The following CYP11A1 variants were observed in gnomAD, a reference collection of about 807,000 sequenced individuals.
CYP11A1 encodes the protein cholesterol side-chain cleavage enzyme, mitochondrial.
Under a neutral mutation model 51.9 loss-of-function variants are expected in CYP11A1, and 25 were observed. The observed-to-expected ratio is 0.48, with a 90% CI of 0.35 to 0.67. CYP11A1 has a LOEUF of 0.67. Among genes scored for constraint, CYP11A1 ranks in the 30% least tolerant of loss-of-function variants. The pLI is 0.00. For missense variants in CYP11A1, 578 were observed against 680.9 expected, an observed-to-expected ratio of 0.85 and a Z score of 1.68; for synonymous variants, 245 against 262.1, an observed-to-expected ratio of 0.93 and a Z score of 0.63.
At position 74,339,399 on chromosome 15, in the gene CYP11A1, GC is replaced by G. The variant is rs766208059; in HGVS notation, c.1158-85del. 476 of 1,476,462 alleles carry G rather than the reference GC, an allele frequency of 3.2e-4. 3 individuals carry two copies. The South Asian group carries it at 5.2e-3, about 16-fold the overall frequency. 91.5% of individuals were successfully genotyped at this position (1,476,462 alleles called of 1,614,324 possible). On this transcript the variant is annotated intron_variant, in intron 6 of 8. Coordinates refer to ENST00000268053, the MANE Select transcript of CYP11A1 (RefSeq NM_000781.3). ...GCCCCACACCCTGTGTGGCATCTCA[GC>G]CCTAGCTGCAGCAGCCTGGGGGGAC... is the stretch of plus-strand genomic sequence containing the variant.
At chr15:74,341,094 G>C (rs750751386) in intron 5 of CYP11A1, among the ~76,000 whole-genome samples, 3 of 152,132 alleles carry the variant, frequency 2.0e-5, no homozygotes, top group African/African-American at 4.8e-5. Flanking sequence ...GTGTGACCTC[G>C]ACCAAGTTAT....
chr15:74,358,440 C>T (rs966204912), intron 1 of CYP11A1, among the ~76,000 whole-genome samples: 3 of 152,220 alleles, frequency 2.0e-5, no homozygotes, highest in Non-Finnish European at 4.4e-5. Flanking sequence ...AGGTTACAAG[C>T]CACTAGCCCA....
Position 74,339,703 on chromosome 15 carries a change from C to A in CYP11A1, c.1041G>T (p.Lys347Asn). The change falls in exon 6 of 9, where the codon AAG (lysine) becomes AAT (asparagine). Residue 347 changes from lysine to asparagine, a missense_variant. Transcript: ENST00000268053. ...CCTCTGCCCGCAGCATATCCTGCACCTTCAGGTTGCGTGCCATCTCATACA... is the reference window on the plus strand; with the variant it reads ...CCTCTGCCCGCAGCATATCCTGCACATTCAGGTTGCGTGCCATCTCATACA... Reference protein sequence around the residue: ...WHLYEMARNLKVQDMLRAEVL... With the variant: ...WHLYEMARNLNVQDMLRAEVL... The A allele has an allele frequency of 6.2e-7, 1 of 1,614,170 alleles. No individual in the cohort carries two copies. Among genetic ancestry groups the A allele is most frequent in the Non-Finnish European group, 8.5e-7 (1 of 1,180,038 alleles).
chr15:74,343,841 C>T lies in CYP11A1; in HGVS notation c.777G>A (p.Arg259=). 1.2e-6 allele frequency: 2 copies of T among 1,613,638 alleles called. No homozygotes were observed. The highest frequency in any genetic ancestry group is 1.7e-6 in the Non-Finnish European group (2 of 1,180,038). Residue 259 remains arginine, a synonymous_variant, in exon 4 of 9, where the codon AGG becomes AGA. Transcript: ENST00000268053. ...CCACATGGTCCTTCCAGGTCTTGGT[C>T]CTGAACAGACGGAACAGGTCTGGGG... ...NLPPDLFRLF[R]TKTWKDHVAA...
In CYP11A1 at chr15:74,347,899, C is replaced by T. The variant is rs886041759; in HGVS notation, c.425+1G>A. On this transcript the variant is annotated splice_donor_variant, in intron 2 of 8. Coordinates refer to ENST00000268053, the MANE Select transcript of CYP11A1 (RefSeq NM_000781.3). LOFTEE classifies it high-confidence loss of function. ...TCCCTGGGAGATGGCCCAGGACTCA[C>T]TTCAACAGGACTCCTATGGGTCTCT... is the stretch of plus-strand genomic sequence containing the variant. The T allele has an allele frequency of 1.2e-6, 2 of 1,614,158 alleles. No homozygotes were observed. Among genetic ancestry groups the T allele is most frequent in the Non-Finnish European group, 1.7e-6 (2 of 1,179,992 alleles).
In CYP11A1 at chr15:74,366,450, A is replaced by AT. The variant is rs1335237984; in HGVS notation, c.269+866dup. The stretch of plus-strand genomic sequence containing the variant: ...AGACCCCCGCCACCATGCCCGGCTA[A>AT]TTTTTTTTATTTTATTTATTTATTT... On this transcript the variant is annotated intron_variant, in intron 1 of 8. Coordinates refer to ENST00000268053, the MANE Select transcript of CYP11A1 (RefSeq NM_000781.3). 2.0e-5 allele frequency among the ~76,000 whole-genome samples: 2 copies of AT among 98,976 alleles called. 1 individual carries two copies. Among genetic ancestry groups the AT allele is most frequent in the South Asian group, 8.6e-4 (2 of 2,336 alleles). The allele number at this position is 98,976 out of a possible 152,430, so 64.9% of individuals were successfully genotyped here.
intron 1 of CYP11A1, among the ~76,000 whole-genome samples, chr15:74,352,711 G>T (rs549882107): frequency 2.0e-4 from 31 of 152,266 alleles, no homozygotes; most frequent in African/African-American, 7.5e-4. Flanking sequence ...GTAAACATCT[G>T]TCTCCCACCT....
chr15:74,344,329 T>C (rs2060622407), intron 3 of CYP11A1, among the ~76,000 whole-genome samples: 1 of 152,122 alleles, frequency 6.6e-6, no homozygotes, highest in Admixed American at 6.5e-5. Context: ...TCATCTGTAA[T>C]TGGCTGAATT....
chr15:74,360,728 C>T (rs1222578449), intron 1 of CYP11A1, among the ~76,000 whole-genome samples: 1 of 151,862 alleles, frequency 6.6e-6, no homozygotes, highest in East Asian at 1.9e-4. Flanking sequence ...CATGGTGAAA[C>T]CCCCATCTCT....
chr15:74,364,553 AC>A (rs1200337038), intron 1 of CYP11A1: 4 of 152,210 alleles, frequency 2.6e-5, no homozygotes, highest in African/African-American at 7.2e-5. Context: ...TTGAGCCCCT[AC>A]GCTCCGCCTG....
chr15:74,357,039 G>C (rs1449673663), intron 1 of CYP11A1, among the ~76,000 whole-genome samples: 1 of 152,110 alleles, frequency 6.6e-6, no homozygotes, highest in Non-Finnish European at 1.5e-5. Context: ...TCAAAAACCA[G>C]ACAGGTCTTA....
chr15:74,350,508 A>G (rs750407567), intron 1 of CYP11A1, among the ~76,000 whole-genome samples: 6 of 152,168 alleles, frequency 3.9e-5, no homozygotes, highest in Non-Finnish European at 7.4e-5. Flanking sequence ...AATAACACCA[A>G]CTACAGGGAT....
chr15:74,362,079 C>CA, intron 1 of CYP11A1: 1 of 1,362,394 alleles, frequency 7.3e-7, no homozygotes, highest in South Asian at 1.2e-5. Flanking sequence ...AACCACCAGA[C>CA]CATTCCTTCT....
In CYP11A1 at chr15:74,343,653, C is replaced by T; in HGVS notation, c.829+136G>A. 4 of 808,634 alleles carry T rather than the reference C, an allele frequency of 4.9e-6. No individual in the cohort carries two copies. The South Asian group carries it at 5.4e-5, about 11-fold the overall frequency. The allele number at this position is 808,634 out of a possible 1,614,324, so 50.1% of individuals were successfully genotyped here. Reference sequence around the variant, plus strand: ...CCATTTCCAGGGGTCCCAGGGCCTTCCTGACACCCACGCCTGCCCGCCACA... The same window carrying T: ...CCATTTCCAGGGGTCCCAGGGCCTTTCTGACACCCACGCCTGCCCGCCACA... On this transcript the variant is annotated intron_variant, in intron 4 of 8. Coordinates refer to ENST00000268053, the MANE Select transcript of CYP11A1 (RefSeq NM_000781.3).
At chr15:74,347,778 C>T in intron 2 of CYP11A1, 122 bp downstream of exon 2, 1 of 915,580 alleles carries the variant, frequency 1.1e-6, no homozygotes, top group South Asian at 1.4e-5. Context: ...CGGGGATTCA[C>T]CTAGAGGCCC....
chr15:74,358,915 A>T (rs2060694096), intron 1 of CYP11A1, among the ~76,000 whole-genome samples: 1 of 152,092 alleles, frequency 6.6e-6, no homozygotes, highest in Non-Finnish European at 1.5e-5. Context: ...TTAAAAACAC[A>T]CCTCACCAAA....
chr15:74,354,004 A>G (rs2060666587), intron 1 of CYP11A1, among the ~76,000 whole-genome samples: 1 of 152,228 alleles, frequency 6.6e-6, no homozygotes, highest in Non-Finnish European at 1.5e-5. Flanking sequence ...TACTCTCACA[A>G]ATAGAATTTT....
chr15:74,367,372 G>A lies in CYP11A1; in HGVS notation c.214C>T (p.His72Tyr). The change falls in exon 1 of 9, where the codon CAC (histidine) becomes TAC (tyrosine). Residue 72 changes from histidine to tyrosine, a missense_variant. Transcript: ENST00000268053. ...TGGACATGGTGAAGGTGGACTTTGT[G>A]TGTGCCCGTCTCCCTCCAGAAATGG... ...LYHFWRETGT[H>Y]KVHLHHVQNF... 1 of 1,614,170 alleles carries A rather than the reference G, an allele frequency of 6.2e-7. No individual in the cohort carries two copies. Among genetic ancestry groups the A allele is most frequent in the South Asian group, 1.1e-5 (1 of 91,078 alleles).
At chr15:74,353,001 A>T (rs552334379) in intron 1 of CYP11A1, among the ~76,000 whole-genome samples, 20 of 152,224 alleles carry the variant, frequency 1.3e-4, no homozygotes, top group Middle Eastern at 3.2e-3. Flanking sequence ...AATTGTTCTT[A>T]TCTATAAATG....
Sources: allele counts gnomAD v4.1 joint callset (sites outside exome capture counted in the v4.1 genomes callset), GRCh38; gene constraint gnomAD v4.1.1; transcripts MANE v1.5; gene names NCBI Gene and HGNC (gene_info 2026-07-23, HGNC 2026-07-21).